Variants in NEB observed in about 807,000 individuals in gnomAD.
The protein encoded by NEB is nebulin, also known as nemaline myopathy type 2.
Under a neutral mutation model 952.2 loss-of-function variants are expected in NEB, and 512 were observed. The ratio of observed to expected loss-of-function variants is 0.54; its 90% confidence interval spans 0.50 to 0.58. The LOEUF (loss-of-function observed/expected upper bound fraction) is 0.58, where lower values mean the gene tolerates loss of function less well. Ranked by LOEUF, NEB falls within the 20% of genes least tolerant of loss-of-function variation. The pLI is 0.00. For synonymous variants in NEB, 2,900 were observed against 3,149.8 expected (o/e 0.92, Z 2.66); for missense variants, 8,428 against 9,231.1 (o/e 0.91, Z 3.56).
intron 48 of NEB, 133 bp downstream of exon 48, chr2:151,657,850 G>A (rs569398871): frequency 2.2e-5 from 15 of 686,420 alleles, no homozygotes; most frequent in Middle Eastern, 2.4e-4. Context: ...CAAAAGCAAG[G>A]TTAAGAAGCA....
intron 32 of NEB, among the ~76,000 whole-genome samples, chr2:151,679,401 A>G (rs2099397896): frequency 6.6e-6 from 1 of 152,198 alleles, no homozygotes; most frequent in African/African-American, 2.4e-5. Context: ...ATAACATTTT[A>G]CCATCAGGAG....
At chr2:151,720,446 T>G (rs996721872) in intron 9 of NEB, among the ~76,000 whole-genome samples, 6 of 152,232 alleles carry the variant, frequency 3.9e-5, no homozygotes, top group African/African-American at 1.2e-4. Flanking sequence ...GCACACTTGG[T>G]CTGCAATTAA....
At position 151,491,981 on chromosome 2, in the gene NEB, C is replaced by A; in HGVS notation, c.25057+117G>T. The A allele has an allele frequency of 2.6e-6, 3 of 1,175,044 alleles. No individual in the cohort carries two copies. The South Asian group carries it at 4.4e-5, about 17-fold the overall frequency. 72.8% of individuals were successfully genotyped at this position (1,175,044 alleles called of 1,614,324 possible). On this transcript the variant is annotated intron_variant, in intron 178 of 181. Transcript: ENST00000397345. Reference sequence around the variant, plus strand: ...ATGAGATAATAGGAGCTTTCTTGCACCTCTAGAAAAACAGATTGAAGTCCT... The same window carrying A: ...ATGAGATAATAGGAGCTTTCTTGCAACTCTAGAAAAACAGATTGAAGTCCT...
intron 5 of NEB, 106 bp from the exon 6 acceptor site, chr2:151,725,666 CA>C (rs2099788423): frequency 1.2e-6 from 1 of 853,798 alleles, no homozygotes; most frequent in African/African-American, 1.7e-5. Context: ...TAGCAATTAT[CA>C]ATTATAATAG....
At chr2:151,570,965 A>T (rs1212561391) in intron 107 of NEB, among the ~76,000 whole-genome samples, 1 of 152,160 alleles carries the variant, frequency 6.6e-6, no homozygotes, top group Non-Finnish European at 1.5e-5. Flanking sequence ...CCACCACCTC[A>T]AGCATTTATC....
chr2:151,701,180 T>C (rs941398279), intron 13 of NEB, among the ~76,000 whole-genome samples: 1 of 97,144 alleles, frequency 1.0e-5, no homozygotes, highest in Non-Finnish European at 2.2e-5. Flanking sequence ...TTGATTTGTG[T>C]ATATTGAACC....
Position 151,538,255 on chromosome 2 carries a change from A to G in NEB, c.20893-11T>C, listed in dbSNP as rs201173663. On this transcript the variant is annotated splice_polypyrimidine_tract_variant and intron_variant, in intron 138 of 181. Transcript: ENST00000397345. Reference sequence around the variant, plus strand: ...TTCTTTGTAGCGTAGCTAGAAAGAGAAAAAACACATGAATTACAAAAAAAC... The same window carrying G: ...TTCTTTGTAGCGTAGCTAGAAAGAGGAAAAACACATGAATTACAAAAAAAC... 227 of 1,577,862 alleles carry G rather than the reference A, an allele frequency of 1.4e-4. No homozygotes were observed. In the East Asian group the frequency reaches 5.0e-3, roughly 35 times the overall value.
In NEB at chr2:151,605,995, T is replaced by C. The variant is rs1256691838; in HGVS notation, c.12747+611A>G. On this transcript the variant is annotated intron_variant, in intron 84 of 181. Transcript: ENST00000397345. ...GTTTTTGTTTGTTTGTTTGTTTGTA[T>C]TTTTAGTAGAGATGAGGTTTTACCA... Among the ~76,000 whole-genome samples the C allele has an allele frequency of 2.0e-5, 2 of 99,808 alleles. 1 individual carries two copies. Among genetic ancestry groups the C allele is most frequent in the Non-Finnish European group, 5.2e-5 (2 of 38,782 alleles). The allele number at this position is 99,808 out of a possible 152,430, so 65.5% of individuals were successfully genotyped here.
chr2:151,617,336 T>C (rs923041458), intron 75 of NEB, 28 bp downstream of exon 75: 3 of 1,479,432 alleles, frequency 2.0e-6, no homozygotes, highest in Non-Finnish European at 1.8e-6. Flanking sequence ...TGCCTTTCTG[T>C]TCATTACAAG....
In NEB at chr2:151,493,354, G is replaced by A. The variant is rs1447428083; in HGVS notation, c.24764C>T (p.Ser8255Leu). The change falls in exon 176 of 182, where the codon TCG (serine) becomes TTG (leucine). Residue 8255 changes from serine to leucine, a missense_variant and splice_region_variant. Physicochemically the swap from Ser to Leu is moderately radical, Grantham distance 145. Transcript: ENST00000397345. ...RAKRNQENIS[S>L]VLYSDSFRKQ... Reference sequence around the variant, plus strand: ...TTTCTTTTTAGTCCTAGAAAATACCGAGCTAATGTTTTCTTGGTTGCGCTT... The same window carrying A: ...TTTCTTTTTAGTCCTAGAAAATACCAAGCTAATGTTTTCTTGGTTGCGCTT... 4 of 1,606,090 alleles carry A rather than the reference G, an allele frequency of 2.5e-6. No individual in the cohort carries two copies. Among genetic ancestry groups the A allele is most frequent in the African/African-American group, 1.3e-5 (1 of 74,710 alleles).
chr2:151,507,028 TA>T lies in NEB; in HGVS notation c.23452-16del. On this transcript the variant is annotated splice_polypyrimidine_tract_variant and intron_variant, in intron 162 of 181. Coordinates refer to ENST00000397345, the MANE Select transcript of NEB (RefSeq NM_001164508.2). ...TGGTATTGGAGCTATGAAGAAAGAG[TA>T]AACATCTTGTTAAGATTTCAACATT... The T allele has an allele frequency of 7.0e-7, 1 of 1,438,846 alleles. No homozygotes were observed. The highest frequency in any genetic ancestry group is 9.8e-7 in the Non-Finnish European group (1 of 1,023,782). The allele number at this position is 1,438,846 out of a possible 1,614,324, so 89.1% of individuals were successfully genotyped here.
chr2:151,519,510 G>A, intron 154 of NEB, 148 bp downstream of exon 154: 1 of 660,270 alleles, frequency 1.5e-6, no homozygotes, highest in Non-Finnish European at 2.6e-6. Context: ...AATGGTTATA[G>A]TTTCTGTTGG....
rs749449995 is a variant in NEB at position 151,614,388 on chromosome 2, C to T, written c.11489G>A (p.Cys3830Tyr). 1.9e-6 allele frequency: 3 copies of T among 1,613,930 alleles called. No homozygotes were observed. The highest frequency in any genetic ancestry group is 1.7e-5 in the Admixed American group (1 of 60,008). ...DMLGVVLAKK[C>Y]QILVSDIDYK... ...GTCTATGTCGCTTACAAGGATCTGACACTTCTTGGCCAGCACCACCCCCAG... is the reference window on the plus strand; with the variant it reads ...GTCTATGTCGCTTACAAGGATCTGATACTTCTTGGCCAGCACCACCCCCAG... Residue 3830 changes from cysteine to tyrosine, a missense_variant, in exon 77 of 182, where the codon TGT becomes TAT. Coordinates refer to ENST00000397345, the MANE Select transcript of NEB (RefSeq NM_001164508.2).
At chr2:151,613,517 A>C (rs890889768) in intron 77 of NEB, among the ~76,000 whole-genome samples, 1 of 152,220 alleles carries the variant, frequency 6.6e-6, no homozygotes, top group South Asian at 2.1e-4. Context: ...TATAAGCAAT[A>C]TATTACAGCA....
rs113916636 is a variant in NEB at position 151,512,732 on chromosome 2, C to T, written c.23346+1G>A. ...AGTGATGGCATGACGAATGTCCTTA[C>T]CTGGCTTGAAAGATTCTTGACTTGT... On this transcript the variant is annotated splice_donor_variant, in intron 161 of 181. Coordinates refer to ENST00000397345, the MANE Select transcript of NEB (RefSeq NM_001164508.2). LOFTEE classifies it high-confidence loss of function. 2 of 1,610,336 alleles carry T rather than the reference C, an allele frequency of 1.2e-6. No individual in the cohort carries two copies. The highest frequency in any genetic ancestry group is 1.7e-6 in the Non-Finnish European group (2 of 1,176,730).
chr2:151,570,218 G>A lies in NEB; in HGVS notation c.17293C>T (p.Leu5765Phe). The A allele has an allele frequency of 6.2e-7, 1 of 1,613,824 alleles. No individual in the cohort carries two copies. ...KAKIQSPVDM[L>F]SILHSKNSQA... The stretch of plus-strand genomic sequence containing the variant: ...GAATTTTTAGAGTGCAGGATGGAAA[G>A]CATGTCCACAGGGCTCTGGATCTTG... The change falls in exon 109 of 182, where the codon CTT becomes TTT. Residue 5765 changes from leucine (L) to phenylalanine (F), a missense_variant. By Grantham distance (22) the Leu-to-Phe change is conservative (BLOSUM62 0). Around this residue, in one of 11 missense-constraint regions of NEB, gnomAD observed 3,374 missense variants for 3,651.5 expected, o/e 0.92. Coordinates refer to ENST00000397345, the MANE Select transcript of NEB (RefSeq NM_001164508.2).
intron 161 of NEB, among the ~76,000 whole-genome samples, chr2:151,509,614 T>G (rs1034777379): frequency 1.4e-5 from 2 of 147,724 alleles, no homozygotes; most frequent in Admixed American, 1.4e-4. Context: ...GGAAGAGAGG[T>G]TTTTTTTTTG....
chr2:151,642,204 T>C (rs2154111806), intron 60 of NEB, among the ~76,000 whole-genome samples: 1 of 152,328 alleles, frequency 6.6e-6, no homozygotes, highest in South Asian at 2.1e-4. Flanking sequence ...AATTCAGCCC[T>C]TGTAGATTCA....
At position 151,643,983 on chromosome 2, in the gene NEB, C is replaced by T. The variant is rs1399393231; in HGVS notation, c.7791G>A (p.Lys2597=). ...REYKKDFEKW[K]TKFSSPVDML... ...TGTCCACTGGGCTGCTGAACTTGGT[C>T]TTCCACTTCTCAAAGTCCTTCTTGT... The change falls in exon 57 of 182, where the codon AAG becomes AAA. Residue 2597 remains lysine, a synonymous_variant. Coordinates refer to ENST00000397345, the MANE Select transcript of NEB (RefSeq NM_001164508.2). 2 of 1,613,962 alleles carry T rather than the reference C, an allele frequency of 1.2e-6. No individual in the cohort carries two copies. Among genetic ancestry groups the T allele is most frequent in the East Asian group, 2.2e-5 (1 of 44,872 alleles).
Sources: gnomAD v4.1 joint callset for allele counts (sites outside exome capture counted in the v4.1 genomes callset) on GRCh38, gnomAD v4.1.1 for gene constraint, gnomAD v4.1.1 regional missense constraint, MANE v1.5 for transcripts, NCBI Gene and HGNC (gene_info 2026-07-23, HGNC 2026-07-21) for gene names.